The following DPF3 variants were observed in gnomAD, a reference collection of about 807,000 sequenced individuals.
DPF3 encodes zinc finger protein DPF3.
Under a neutral mutation model 56.8 loss-of-function variants are expected in DPF3, and 18 were observed. The observed-to-expected ratio is 0.32, with a 90% confidence interval of 0.22 to 0.47. DPF3 has a LOEUF of 0.47. DPF3 is among the 20% of genes least tolerant of loss of function. The pLI is 1.00. For synonymous variants in DPF3, 188 were observed against 180.2 expected, an observed-to-expected ratio of 1.04 and a Z score of -0.35; for missense variants, 403 against 488.8, an observed-to-expected ratio of 0.82 and a Z score of 1.65.
intron 8 of DPF3, among the ~76,000 whole-genome samples, chr14:72,642,372 G>A (rs1885590494): frequency 6.6e-6 from 1 of 152,266 alleles, no homozygotes; most frequent in Non-Finnish European, 1.5e-5. Context: ...CTCCTGCTTA[G>A]GCAGTGTCTG....
intron 7 of DPF3, among the ~76,000 whole-genome samples, chr14:72,689,903 G>C (rs1887600600): frequency 6.6e-6 from 1 of 152,166 alleles, no homozygotes; most frequent in Admixed American, 6.5e-5. Flanking sequence ...TTTTCGAGGA[G>C]GGCACTGTGA....
At chr14:72,882,413 G>A (rs1454153412) in intron 1 of DPF3, among the ~76,000 whole-genome samples, 1 of 152,180 alleles carries the variant, frequency 6.6e-6, no homozygotes, top group Non-Finnish European at 1.5e-5. Flanking sequence ...AGAAGAACAG[G>A]CCCTTCTCTA....
intron 1 of DPF3, among the ~76,000 whole-genome samples, chr14:72,843,666 C>A (rs1884640625): frequency 6.6e-6 from 1 of 152,218 alleles, no homozygotes; most frequent in Non-Finnish European, 1.5e-5. Flanking sequence ...CCTCAGCCTC[C>A]TGAGTAGCTG....
intron 3 of DPF3, among the ~76,000 whole-genome samples, chr14:72,743,600 C>CA (rs57448538): frequency 7.8e-4 from 111 of 141,754 alleles, no homozygotes; most frequent in African/African-American, 2.5e-3. Context: ...TTTCTTCATT[C>CA]AAAAAAAAAA....
chr14:72,684,267 G>C (rs913155374), intron 7 of DPF3, among the ~76,000 whole-genome samples: 5 of 151,986 alleles, frequency 3.3e-5, no homozygotes, highest in Non-Finnish European at 7.4e-5. Flanking sequence ...GGCTGGACTC[G>C]AACTCCTGAG....
At chr14:72,846,328 C>CTTTTT (rs10563066) in intron 1 of DPF3, among the ~76,000 whole-genome samples, 49 of 62,442 alleles carry the variant, frequency 7.8e-4, no homozygotes, top group Non-Finnish European at 8.8e-4. Context: ...CCAGGCTAGT[C>CTTTTT]TTTTTTTTTT....
chr14:72,782,156 G>T (rs753605972), intron 1 of DPF3, among the ~76,000 whole-genome samples: 1 of 151,906 alleles, frequency 6.6e-6, no homozygotes, highest in Non-Finnish European at 1.5e-5. Flanking sequence ...AGGGAATATC[G>T]GTCTGGTATT....
At chr14:72,748,005 G>A (rs1401180396) in intron 3 of DPF3, among the ~76,000 whole-genome samples, 1 of 152,232 alleles carries the variant, frequency 6.6e-6, no homozygotes, top group East Asian at 1.9e-4. Context: ...ATTGGTACCA[G>A]TAGAGTGGGG....
chr14:72,832,662 AT>A (rs1253534500), intron 1 of DPF3, among the ~76,000 whole-genome samples: 1 of 152,232 alleles, frequency 6.6e-6, no homozygotes, highest in Non-Finnish European at 1.5e-5. Context: ...TAGTTTATAA[AT>A]GCAATACAAT....
rs570664718 is a variant in DPF3 at position 72,852,987 on chromosome 14, G to C, written c.32+41070C>G. Among the ~76,000 whole-genome samples the C allele has an allele frequency of 4.7e-5, 7 of 150,438 alleles. No individual in the cohort carries two copies. In the East Asian group the frequency reaches 1.4e-3, roughly 30 times the overall value. On this transcript the variant is annotated intron_variant, in intron 1 of 10. Transcript: ENST00000556509. ...AAATAAAGAAAATTACCCTACAGCT[G>C]ATTTTTTTTTAATTAAACTACCAAC...
intron 3 of DPF3, among the ~76,000 whole-genome samples, chr14:72,743,038 G>T (rs1326018021): frequency 6.6e-6 from 1 of 152,166 alleles, no homozygotes; most frequent in Non-Finnish European, 1.5e-5. Context: ...ATGCCCTCTT[G>T]TCTGAGTTTC....
chr14:72,685,213 A>G (rs1887357437), intron 7 of DPF3, among the ~76,000 whole-genome samples: 1 of 152,242 alleles, frequency 6.6e-6, no homozygotes, highest in African/African-American at 2.4e-5. Context: ...GTTAAGGGAC[A>G]TCGGTAGGAC....
chr14:72,847,589 A>G (rs1045119061), intron 1 of DPF3, among the ~76,000 whole-genome samples: 2 of 151,728 alleles, frequency 1.3e-5, no homozygotes, highest in Non-Finnish European at 2.9e-5. Flanking sequence ...TGGGCTCACT[A>G]CAACCTCCGC....
chr14:72,806,206 G>A (rs895032225), intron 1 of DPF3: 1 of 152,148 alleles, frequency 6.6e-6, no homozygotes, highest in Non-Finnish European at 1.5e-5. Context: ...TCAGCTCTTA[G>A]CCATCCTTCC....
intron 8 of DPF3, among the ~76,000 whole-genome samples, chr14:72,655,656 G>A (rs78798519): frequency 0.019 from 2,830 of 152,302 alleles, 41 homozygotes; most frequent in Middle Eastern, 0.044. Flanking sequence ...TTTTCAGCTC[G>A]TGGCTCATGC....
intron 8 of DPF3, 32 bp downstream of exon 8, chr14:72,674,207 CG>C (rs1886814178): frequency 6.2e-7 from 1 of 1,600,108 alleles, no homozygotes; most frequent in Admixed American, 1.7e-5. Flanking sequence ...TCCTGGTCTA[CG>C]GGCACCCGGT....
Position 72,723,668 on chromosome 14 carries a change from C to T in DPF3, c.490G>A (p.Asp164Asn). The T allele has an allele frequency of 6.3e-7, 1 of 1,591,126 alleles. No homozygotes were observed. Among genetic ancestry groups the T allele is most frequent in the Non-Finnish European group, 8.5e-7 (1 of 1,172,658 alleles). ...GTCCTGTTCTTTCGCTTGGGAATAT[C>T]CTCTTCCAAATCCTCTTCTTCATTC... ...EGNEEEDLEE[D>N]IPKRKNRTRG... The change falls in exon 5 of 11, where the codon GAT (aspartate) becomes AAT (asparagine). Residue 164 changes from aspartate (D) to asparagine (N), a missense_variant. By Grantham distance (23) the Asp-to-Asn change is conservative. This residue lies in a region of DPF3 where 340 missense variants were observed against 374.3 expected (regional missense o/e 0.91). Coordinates refer to ENST00000556509, the MANE Select transcript of DPF3 (RefSeq NM_001280542.3).
chr14:72,885,356 C>T (rs182396761), intron 1 of DPF3, among the ~76,000 whole-genome samples: 44 of 142,748 alleles, frequency 3.1e-4, no homozygotes, highest in Admixed American at 2.4e-3. Context: ...GAAATGTAGC[C>T]GCTAATTTTT....
At chr14:72,775,972 A>T (rs1891729226) in intron 1 of DPF3, among the ~76,000 whole-genome samples, 2 of 150,462 alleles carry the variant, frequency 1.3e-5, no homozygotes, top group Non-Finnish European at 3.0e-5. Context: ...CCTTTCCAAC[A>T]TGGTATTTCT....
Sources: allele counts gnomAD v4.1 joint callset (sites outside exome capture counted in the v4.1 genomes callset), GRCh38; gene constraint gnomAD v4.1.1; regional missense constraint gnomAD v4.1.1; transcripts MANE v1.5; gene names NCBI Gene and HGNC (gene_info 2026-07-23, HGNC 2026-07-21).